The following MYRIP variants were observed in gnomAD, a reference collection of about 807,000 sequenced individuals.
MYRIP encodes the protein myosin VIIA and Rab interacting protein, also known as rab effector MyRIP.
Under a neutral mutation model 98.0 loss-of-function variants are expected in MYRIP, and 49 were observed. That is an observed-to-expected ratio of 0.50 (90% CI 0.40 to 0.63). MYRIP has a LOEUF of 0.63. MYRIP is among the 30% of genes least tolerant of loss of function. The pLI, the probability that MYRIP is intolerant of heterozygous loss-of-function variation, is 0.00. For missense variants in MYRIP, 1,004 were observed against 1,058.2 expected, an observed-to-expected ratio of 0.95 and a Z score of 0.71; for synonymous variants, 404 against 409.5, an observed-to-expected ratio of 0.99 and a Z score of 0.16.
intron 2 of MYRIP, among the ~76,000 whole-genome samples, chr3:40,033,929 C>G (rs1016667848): frequency 4.6e-5 from 7 of 152,056 alleles, no homozygotes; most frequent in Non-Finnish European, 7.4e-5. Flanking sequence ...ATATCTACAA[C>G]TATCTGATCT....
chr3:40,154,556 T>C (rs899605378), intron 4 of MYRIP, among the ~76,000 whole-genome samples: 3 of 152,188 alleles, frequency 2.0e-5, no homozygotes, highest in African/African-American at 7.2e-5. Context: ...TTAAATTTAA[T>C]TTTATTTTAA....
chr3:39,918,464 A>G (rs991669044), intron 2 of MYRIP, among the ~76,000 whole-genome samples: 2 of 152,046 alleles, frequency 1.3e-5, no homozygotes, highest in Non-Finnish European at 2.9e-5. Context: ...TGTCTTTTAT[A>G]TCTTGAAGGG....
intron 10 of MYRIP, among the ~76,000 whole-genome samples, chr3:40,207,424 G>C (rs1475729326): frequency 6.6e-6 from 1 of 152,008 alleles, no homozygotes; most frequent in African/African-American, 2.4e-5. Flanking sequence ...CTTCACATGA[G>C]TCCCTCATCA....
chr3:39,961,231 G>A (rs1945316806), intron 2 of MYRIP, among the ~76,000 whole-genome samples: 1 of 152,030 alleles, frequency 6.6e-6, no homozygotes, highest in African/African-American at 2.4e-5. Flanking sequence ...GTTTTTTGCA[G>A]AAGAAGCCAG....
At chr3:40,059,979 C>T (rs1947973696) in intron 3 of MYRIP, among the ~76,000 whole-genome samples, 1 of 152,110 alleles carries the variant, frequency 6.6e-6, no homozygotes, top group Admixed American at 6.6e-5. Context: ...GGGTTGGGCC[C>T]TTACAGTGAC....
intron 4 of MYRIP, among the ~76,000 whole-genome samples, chr3:40,160,837 G>A (rs1950374510): frequency 6.6e-6 from 1 of 152,172 alleles, no homozygotes; most frequent in Non-Finnish European, 1.5e-5. Flanking sequence ...TCCTGAGTGA[G>A]GCAATGCCTT....
intron 1 of MYRIP, among the ~76,000 whole-genome samples, chr3:39,847,996 C>T (rs933502483): frequency 6.6e-6 from 1 of 152,160 alleles, no homozygotes; most frequent in Non-Finnish European, 1.5e-5. Flanking sequence ...ACCTTCCTGC[C>T]CTCCAAAATT....
chr3:40,018,426 T>C (rs1293361488), intron 2 of MYRIP, among the ~76,000 whole-genome samples: 2 of 152,192 alleles, frequency 1.3e-5, no homozygotes, highest in Non-Finnish European at 2.9e-5. Context: ...TGAGTGAGAC[T>C]AAATGCATGG....
intron 1 of MYRIP, among the ~76,000 whole-genome samples, chr3:39,822,744 T>C (rs1941140289): frequency 6.6e-6 from 1 of 152,238 alleles, no homozygotes; most frequent in Non-Finnish European, 1.5e-5. Flanking sequence ...TATGAGGTCA[T>C]CTTGTTTTAG....
At chr3:40,056,684 A>G (rs1037856821) in intron 3 of MYRIP, among the ~76,000 whole-genome samples, 1 of 152,224 alleles carries the variant, frequency 6.6e-6, no homozygotes, top group Admixed American at 6.5e-5. Flanking sequence ...AGAGAAACTT[A>G]AGCACAAATA....
chr3:39,967,097 T>A (rs1473071533), intron 2 of MYRIP, among the ~76,000 whole-genome samples: 1 of 152,214 alleles, frequency 6.6e-6, no homozygotes, highest in East Asian at 1.9e-4. Flanking sequence ...TATATGTAAA[T>A]GTAAATTACT....
intron 1 of MYRIP, among the ~76,000 whole-genome samples, chr3:39,873,148 G>T (rs1199816505): frequency 6.6e-6 from 1 of 152,182 alleles, no homozygotes; most frequent in Non-Finnish European, 1.5e-5. Context: ...TTTGAGAAGT[G>T]TCTGTTCATG....
chr3:39,929,767 CT>C (rs994286896), intron 2 of MYRIP, among the ~76,000 whole-genome samples: 1 of 151,656 alleles, frequency 6.6e-6, no homozygotes, highest in South Asian at 2.1e-4. Context: ...CATTAATATA[CT>C]TTTTTTTGCC....
At chr3:40,211,935 A>G (rs1951942682) in intron 11 of MYRIP, among the ~76,000 whole-genome samples, 1 of 151,816 alleles carries the variant, frequency 6.6e-6, no homozygotes, top group African/African-American at 2.4e-5. Context: ...CCCCTGCCCT[A>G]ATTAGGCAGG....
At chr3:39,899,555 G>A (rs1943696612) in intron 1 of MYRIP, among the ~76,000 whole-genome samples, 1 of 152,110 alleles carries the variant, frequency 6.6e-6, no homozygotes, top group South Asian at 2.1e-4. Context: ...GATGTCTGGT[G>A]TATATTTTTA....
At chr3:40,229,346 C>T (rs1952579676) in intron 11 of MYRIP, among the ~76,000 whole-genome samples, 1 of 152,178 alleles carries the variant, frequency 6.6e-6, no homozygotes. Context: ...AAGTCTTACT[C>T]TGCCTACAGT....
chr3:40,040,911 G>A lies in MYRIP; in HGVS notation c.111-3139G>A, dbSNP rs1333197684. ...ACACATTAGTGGGTGCAGCGCACCAGCATGGCACATGTATACATATGTAAC... is the reference window on the plus strand; with the variant it reads ...ACACATTAGTGGGTGCAGCGCACCAACATGGCACATGTATACATATGTAAC... On this transcript the variant is annotated intron_variant, in intron 2 of 16. Coordinates refer to ENST00000302541, the MANE Select transcript of MYRIP (RefSeq NM_015460.4). 1.2e-4 allele frequency among the ~76,000 whole-genome samples: 9 copies of A among 77,216 alleles called. No individual in the cohort carries two copies. In the East Asian group the frequency reaches 2.6e-3, roughly 22 times the overall value. 50.7% of individuals were successfully genotyped at this position (77,216 alleles called of 152,430 possible).
chr3:40,253,764 G>A (rs190604446), intron 16 of MYRIP, among the ~76,000 whole-genome samples: 15 of 152,286 alleles, frequency 9.8e-5, no homozygotes, highest in East Asian at 1.9e-4. Context: ...TTAAGGGTTC[G>A]TTTAGCAGTA....
chr3:40,137,004 G>C (rs1371887810), intron 3 of MYRIP, among the ~76,000 whole-genome samples: 1 of 151,426 alleles, frequency 6.6e-6, no homozygotes, highest in Non-Finnish European at 1.5e-5. Context: ...ACATTCAAAA[G>C]CTAGCAGAAG....
Sources: gnomAD v4.1 joint callset for allele counts (sites outside exome capture counted in the v4.1 genomes callset) on GRCh38, gnomAD v4.1.1 for gene constraint, MANE v1.5 for transcripts, NCBI Gene and HGNC (gene_info 2026-07-23, HGNC 2026-07-21) for gene names.